The following GOLGA4 variants were observed in gnomAD, a reference collection of about 807,000 sequenced individuals.
The protein encoded by GOLGA4 is golgin subfamily A member 4.
GOLGA4 carries 169 observed loss-of-function variants against 265.9 expected under a neutral mutation model. The ratio of observed to expected loss-of-function variants is 0.64; its 90% CI spans 0.56 to 0.72. The LOEUF is 0.72. Among genes scored for constraint, GOLGA4 ranks in the 30% least tolerant of loss-of-function variants. GOLGA4 has a pLI of 0.00. For missense variants in GOLGA4, 2,482 were observed against 2,483.4 expected, an observed-to-expected ratio of 1.00 and a Z score of 0.01; for synonymous variants, 923 against 855.8, an observed-to-expected ratio of 1.08 and a Z score of -1.37.
Position 37,324,025 on chromosome 3 carries a change from A to G in GOLGA4, c.2139A>G (p.Gln713=). 1 of 1,614,052 alleles carries G rather than the reference A, an allele frequency of 6.2e-7. No individual in the cohort carries two copies. Among genetic ancestry groups the G allele is most frequent in the Non-Finnish European group, 8.5e-7 (1 of 1,180,006 alleles). ...LEEELSVLKD[Q]TDKMKQELEA... ...AGGAACTTTCTGTTCTGAAAGATCA[A>G]ACAGATAAAATGAAGCAGGAATTAG... is the stretch of plus-strand genomic sequence containing the variant. The change falls in exon 14 of 24, where the codon CAA becomes CAG. Residue 713 remains glutamine, a synonymous_variant. Coordinates refer to ENST00000361924, the MANE Select transcript of GOLGA4 (RefSeq NM_002078.5).
chr3:37,325,294 TGA>T lies in GOLGA4; in HGVS notation c.3409_3410del (p.Glu1137LysfsTer5), dbSNP rs756985188. The T allele has an allele frequency of 1.2e-6, 2 of 1,613,574 alleles. No individual in the cohort carries two copies. The highest frequency in any genetic ancestry group is 2.7e-5 in the African/African-American group (2 of 74,924). The part of the protein sequence containing the change: ...QDETKLKAHL[E>X]KLEVDLNKSL... ...ATGAAACTAAACTGAAAGCTCATCT[TGA>T]AAAGCTAGAGGTTGACTTGAATAAG... is the stretch of plus-strand genomic sequence containing the variant. On this transcript the variant is annotated frameshift_variant, in exon 14 of 24. Transcript: ENST00000361924. LOFTEE classifies it high-confidence loss of function.
intron 10 of GOLGA4, among the ~76,000 whole-genome samples, chr3:37,309,062 G>A (rs1394994452): frequency 6.6e-6 from 1 of 150,712 alleles, no homozygotes; most frequent in Non-Finnish European, 1.5e-5. Flanking sequence ...GAATAGCCTG[G>A]CCAACATGGT....
intron 4 of GOLGA4, among the ~76,000 whole-genome samples, chr3:37,288,943 C>T (rs1220226045): frequency 6.6e-6 from 1 of 152,114 alleles, no homozygotes; most frequent in Non-Finnish European, 1.5e-5. Context: ...ATTGAACAGA[C>T]AGTAAAATTG....
intron 3 of GOLGA4, among the ~76,000 whole-genome samples, chr3:37,282,780 TTGCTAAACCCTTGAGAA>T (rs1279111040): frequency 2.0e-5 from 3 of 152,228 alleles, no homozygotes; most frequent in Non-Finnish European, 4.4e-5. Context: ...AATCTTTTCA[TTGCTAAACCCTTGAGAA>T]TGACACTCCC....
chr3:37,243,297 C>A lies in GOLGA4; in HGVS notation c.-254C>A, dbSNP rs2096707729. 1.3e-5 allele frequency: 7 copies of A among 545,004 alleles called. No homozygotes were observed. The highest frequency in any genetic ancestry group is 1.0e-4 in the Admixed American group (3 of 28,774). 33.8% of individuals were successfully genotyped at this position (545,004 alleles called of 1,614,324 possible). On this transcript the variant is annotated 5_prime_UTR_variant, in exon 1 of 24. Coordinates refer to ENST00000361924, the MANE Select transcript of GOLGA4 (RefSeq NM_002078.5). ...GTTCACCTGCTGCCGTTGTCGTCGCCGCCGCGGCTCCCGGGGCTGGATGGG... is the reference window on the plus strand; with the variant it reads ...GTTCACCTGCTGCCGTTGTCGTCGCAGCCGCGGCTCCCGGGGCTGGATGGG...
chr3:37,363,844 C>CT (rs1390447499), intron 23 of GOLGA4, among the ~76,000 whole-genome samples: 1 of 152,108 alleles, frequency 6.6e-6, no homozygotes, highest in Non-Finnish European at 1.5e-5. Flanking sequence ...TTTTCCTAGT[C>CT]TTTTTTAAAC....
rs769585367 is a variant in GOLGA4, at chr3:37,243,556, C to G, written c.6C>G (p.Phe2Leu). Residue 2 changes from phenylalanine to leucine, a missense_variant, in exon 1 of 24, where the codon TTC (phenylalanine) becomes TTG (leucine). This residue lies in a region of GOLGA4 where 1,536 missense variants were observed against 1,483.7 expected (regional missense o/e 1.04). Coordinates refer to ENST00000361924, the MANE Select transcript of GOLGA4 (RefSeq NM_002078.5). The part of the protein sequence containing the change: M[F>L]KKLKQKISEE... ...GACCGTACGTACGCTGCGCCATGTT[C>G]AAGAAACTGAAGCAAAAGATCAGCG... 2 of 1,613,996 alleles carry G rather than the reference C, an allele frequency of 1.2e-6. No homozygotes were observed. The highest frequency in any genetic ancestry group is 1.1e-5 in the South Asian group (1 of 91,068).
intron 16 of GOLGA4, among the ~76,000 whole-genome samples, chr3:37,334,755 A>G (rs2097003873): frequency 6.6e-6 from 1 of 152,110 alleles, no homozygotes; most frequent in Non-Finnish European, 1.5e-5. Flanking sequence ...AAACAGCTTG[A>G]TGAGCTTTTT....
chr3:37,251,075 CCTG>C (rs1160148369), intron 1 of GOLGA4, among the ~76,000 whole-genome samples: 1 of 152,020 alleles, frequency 6.6e-6, no homozygotes, highest in Non-Finnish European at 1.5e-5. Flanking sequence ...ATACCCCTCA[CCTG>C]GCTTCAGTTT....
intron 5 of GOLGA4, among the ~76,000 whole-genome samples, chr3:37,293,774 AAAGC>A (rs1329352878): frequency 2.6e-5 from 4 of 152,236 alleles, no homozygotes; most frequent in African/African-American, 9.6e-5. Flanking sequence ...ATAGCTGAGA[AAAGC>A]TTCCATAGGT....
chr3:37,264,659 A>G (rs979875098), intron 2 of GOLGA4, among the ~76,000 whole-genome samples: 3 of 152,156 alleles, frequency 2.0e-5, no homozygotes, highest in African/African-American at 4.8e-5. Flanking sequence ...TATATATGGT[A>G]TATGTAATTT....
chr3:37,302,931 G>C (rs2096896832), intron 10 of GOLGA4, among the ~76,000 whole-genome samples: 1 of 152,248 alleles, frequency 6.6e-6, no homozygotes, highest in Non-Finnish European at 1.5e-5. Flanking sequence ...AGGGATGTTT[G>C]AAAGAGGAGA....
rs1241822254 is a variant in GOLGA4, at chr3:37,321,808, G to A, written c.1623G>A (p.Glu541=). The A allele has an allele frequency of 6.2e-7, 1 of 1,612,978 alleles. No individual in the cohort carries two copies. The highest frequency in any genetic ancestry group is 8.5e-7 in the Non-Finnish European group (1 of 1,179,352). ...QQESLALEEL[E]LQKKAILTES... is the part of the protein sequence containing the mutation. ...AATCTTTGGCCCTAGAAGAGTTAGA[G>A]TTGCAGAAAAAAGCAATCCTCACAG... The change falls in exon 13 of 24, where the codon GAG becomes GAA. Residue 541 remains glutamate (E), a synonymous_variant. Coordinates refer to ENST00000361924, the MANE Select transcript of GOLGA4 (RefSeq NM_002078.5).
At chr3:37,337,211 A>G (rs902031707) in intron 18 of GOLGA4, 48 bp downstream of exon 18, 2 of 1,000,402 alleles carry the variant, frequency 2.0e-6, no homozygotes, top group African/African-American at 1.7e-5. Flanking sequence ...TCTTTGAGAC[A>G]GATTCTCACT....
chr3:37,272,109 A>G (rs1371420502), intron 2 of GOLGA4, among the ~76,000 whole-genome samples: 1 of 152,210 alleles, frequency 6.6e-6, no homozygotes, highest in Non-Finnish European at 1.5e-5. Context: ...TTTATTATAT[A>G]TTACAGTGTA....
chr3:37,337,256 G>A (rs1423412186), intron 18 of GOLGA4, 93 bp downstream of exon 18: 3 of 708,990 alleles, frequency 4.2e-6, no homozygotes, highest in Middle Eastern at 3.8e-4. Context: ...CTGGAGTGCA[G>A]TGATGCAATC....
intron 20 of GOLGA4, among the ~76,000 whole-genome samples, chr3:37,342,841 T>G (rs181212787): frequency 1.3e-5 from 2 of 152,336 alleles, no homozygotes; most frequent in Admixed American, 6.5e-5. Context: ...TAATTTCCAC[T>G]TCCATCAGCA....
chr3:37,310,413 T>C lies in GOLGA4; in HGVS notation c.1235-5007T>C, dbSNP rs549768467. ...TATTCCCTTTTCTTACTACTTCAGC[T>C]ATCTTTTTGTGAAATATTTTCTTTG... On this transcript the variant is annotated intron_variant, in intron 10 of 23. Transcript: ENST00000361924. Among the ~76,000 whole-genome samples the C allele has an allele frequency of 2.6e-5, 4 of 152,372 alleles. No individual in the cohort carries two copies. In the South Asian group the frequency reaches 8.3e-4, roughly 32 times the overall value.
chr3:37,296,664 G>C (rs964606627), intron 7 of GOLGA4, among the ~76,000 whole-genome samples: 1 of 152,078 alleles, frequency 6.6e-6, no homozygotes, highest in Non-Finnish European at 1.5e-5. Context: ...TCCATCTCCT[G>C]GGTTCAAGCG....
Sources: allele counts gnomAD v4.1 joint callset (sites outside exome capture counted in the v4.1 genomes callset), GRCh38; gene constraint gnomAD v4.1.1; regional missense constraint gnomAD v4.1.1; transcripts MANE v1.5; gene names NCBI Gene and HGNC (gene_info 2026-07-23, HGNC 2026-07-21).